TRDN: variants seen among roughly 807,000 people sequenced by gnomAD.
The protein encoded by TRDN is triadin.
A neutral mutation model predicts 149.7 loss-of-function variants in TRDN; 161 were observed. The ratio of observed to expected loss-of-function variants is 1.08; its 90% confidence interval spans 0.95 to 1.23. The LOEUF is 1.23. Among genes scored for constraint, TRDN ranks in the 50% most tolerant of loss-of-function variants. The pLI is 0.00. For synonymous variants in TRDN, 294 were observed against 250.5 expected, an observed-to-expected ratio of 1.17 and a Z score of -1.64; for missense variants, 896 against 823.5, an observed-to-expected ratio of 1.09 and a Z score of -1.08.
Position 123,503,455 on chromosome 6 carries a change from T to A in TRDN, c.793+264A>T, listed in dbSNP as rs1236192881. ...AAATTCAACATTTATCCCCAATCTTTATATGATTTCGGATGCTACCTCCAA... is the reference window on the plus strand; with the variant it reads ...AAATTCAACATTTATCCCCAATCTTAATATGATTTCGGATGCTACCTCCAA... On this transcript the variant is annotated intron_variant, in intron 8 of 40. Coordinates refer to ENST00000334268, the MANE Select transcript of TRDN (RefSeq NM_006073.4). 3 of 985,136 alleles carry A rather than the reference T, an allele frequency of 3.0e-6. No homozygotes were observed. In the East Asian group the frequency reaches 3.4e-4, roughly 112 times the overall value. The allele number at this position is 985,136 out of a possible 1,614,324, so 61.0% of individuals were successfully genotyped here.
chr6:123,473,605 T>TA (rs1315569302), intron 9 of TRDN, among the ~76,000 whole-genome samples: 13 of 151,624 alleles, frequency 8.6e-5, no homozygotes, highest in African/African-American at 3.2e-4. Flanking sequence ...GCCACAAAGA[T>TA]ACTCCTCGAG....
chr6:123,563,158 A>G (rs909635120), intron 2 of TRDN, among the ~76,000 whole-genome samples: 24 of 152,238 alleles, frequency 1.6e-4, no homozygotes, highest in African/African-American at 5.1e-4. Context: ...CTGATACTCA[A>G]CTATTACTTC....
rs1776410021 is a variant in TRDN, at chr6:123,252,518, CTAAT to C, written c.1952-87_1952-84del. ...AAATCAGTGGACTTTATAAAAATAT[CTAAT>C]TATTTTGTTTCTTGCTTATTATTTA... On this transcript the variant is annotated intron_variant, in intron 37 of 40. Coordinates refer to ENST00000334268, the MANE Select transcript of TRDN (RefSeq NM_006073.4). 7 of 710,858 alleles carry C rather than the reference CTAAT, an allele frequency of 9.8e-6. No individual in the cohort carries two copies. The East Asian group carries it at 1.7e-4, about 18-fold the overall frequency. 44.0% of individuals were successfully genotyped at this position (710,858 alleles called of 1,614,324 possible).
At chr6:123,331,583 T>C (rs1447035890) in intron 23 of TRDN, among the ~76,000 whole-genome samples, 2 of 152,056 alleles carry the variant, frequency 1.3e-5, no homozygotes, top group Admixed American at 1.3e-4. Flanking sequence ...ATTCGCTCTT[T>C]GGATATTTAT....
chr6:123,351,823 C>G, intron 21 of TRDN: 1 of 948,556 alleles, frequency 1.1e-6, no homozygotes, highest in Non-Finnish European at 1.3e-6. Context: ...TATATAAGAG[C>G]AATGACATGA....
intron 4 of TRDN, among the ~76,000 whole-genome samples, chr6:123,542,908 C>T (rs1780923664): frequency 6.6e-6 from 1 of 150,446 alleles, no homozygotes; most frequent in African/African-American, 2.4e-5. Flanking sequence ...GTCACTGCGT[C>T]TGGCCCTGGT....
rs1333616035 is a variant in TRDN, at chr6:123,224,130, T to G, written c.1977A>C (p.Lys659Asn). Reference sequence around the variant, plus strand: ...TTGAAGCTGGTACATCTTCAACATCTTCTAGAGTACAGAAAAAAGGCACAT... The same window carrying G: ...TTGAAGCTGGTACATCTTCAACATCGTCTAGAGTACAGAAAAAAGGCACAT... ...TKAEKPARVS[K>N]DVEDVPASKK... The change falls in exon 39 of 41, where the codon AAA (lysine) becomes AAC (asparagine). Residue 659 changes from lysine (K) to asparagine (N), a missense_variant and splice_region_variant. By Grantham distance (94) the Lys-to-Asn change is moderately conservative. Coordinates refer to ENST00000334268, the MANE Select transcript of TRDN (RefSeq NM_006073.4). 3.1e-6 allele frequency: 5 copies of G among 1,610,392 alleles called. No homozygotes were observed. The highest frequency in any genetic ancestry group is 4.2e-6 in the Non-Finnish European group (5 of 1,177,764).
chr6:123,502,859 C>G, intron 8 of TRDN: 1 of 985,218 alleles, frequency 1.0e-6, no homozygotes, highest in Non-Finnish European at 1.2e-6. Context: ...TCCCCGTATT[C>G]TGTAAAGGAG....
intron 22 of TRDN, 122 bp downstream of exon 22, chr6:123,337,496 TG>T: frequency 3.0e-6 from 1 of 331,416 alleles, no homozygotes. Flanking sequence ...TTTAAAAATA[TG>T]TGTGTGACCT....
At chr6:123,554,557 T>C (rs1463966986) in intron 2 of TRDN, among the ~76,000 whole-genome samples, 1 of 152,172 alleles carries the variant, frequency 6.6e-6, no homozygotes, top group Non-Finnish European at 1.5e-5. Flanking sequence ...GCAAATTATG[T>C]GTCATTTAAT....
intron 12 of TRDN, among the ~76,000 whole-genome samples, chr6:123,418,895 C>T (rs1416248270): frequency 1.3e-5 from 2 of 151,968 alleles, no homozygotes; most frequent in Non-Finnish European, 2.9e-5. Flanking sequence ...AAGAGAATCA[C>T]CCAAGGATCA....
chr6:123,374,919 T>G (rs1482351586), intron 19 of TRDN, among the ~76,000 whole-genome samples: 1 of 152,194 alleles, frequency 6.6e-6, no homozygotes, highest in Non-Finnish European at 1.5e-5. Context: ...ATGTCACGCA[T>G]AGAACTGAGG....
At chr6:123,529,157 T>C (rs942947575) in intron 5 of TRDN, 7 of 1,539,736 alleles carry the variant, frequency 4.5e-6, no homozygotes, top group Middle Eastern at 3.4e-4. Context: ...TAGCACAGTC[T>C]GCAAGAAAAA....
At chr6:123,386,830 C>T (rs781544788) in intron 14 of TRDN, among the ~76,000 whole-genome samples, 4 of 152,100 alleles carry the variant, frequency 2.6e-5, no homozygotes, top group South Asian at 2.1e-4. Context: ...GGGGCAACAA[C>T]CTTGGAGAGC....
intron 21 of TRDN, among the ~76,000 whole-genome samples, chr6:123,347,063 A>T (rs1204562477): frequency 6.6e-6 from 1 of 152,066 alleles, no homozygotes; most frequent in African/African-American, 2.4e-5. Flanking sequence ...TGGGGTAGAA[A>T]CAGTGAACCT....
intron 4 of TRDN, among the ~76,000 whole-genome samples, chr6:123,535,716 G>A (rs1384443890): frequency 2.0e-5 from 3 of 151,950 alleles, no homozygotes; most frequent in Non-Finnish European, 2.9e-5. Flanking sequence ...AATTTATTAT[G>A]GTGTTGAGAA....
chr6:123,353,439 C>T (rs145930045), intron 20 of TRDN, among the ~76,000 whole-genome samples: 2 of 151,834 alleles, frequency 1.3e-5, no homozygotes, highest in East Asian at 3.9e-4. Flanking sequence ...GATGAGATGC[C>T]GTGTAGCATA....
Position 123,382,117 on chromosome 6 carries a change from C to G in TRDN, c.1165+1G>C. On this transcript the variant is annotated splice_donor_variant, in intron 15 of 40. Coordinates refer to ENST00000334268, the MANE Select transcript of TRDN (RefSeq NM_006073.4). LOFTEE classifies it high-confidence loss of function. ...CAGAAAAAAAGAAATATGTCCAGTA[C>G]CTTCTGCAGGTTTTTTTGTTTTCTT... The G allele has an allele frequency of 6.7e-7, 1 of 1,493,190 alleles. No homozygotes were observed. The highest frequency in any genetic ancestry group is 8.9e-7 in the Non-Finnish European group (1 of 1,120,682). 92.5% of individuals were successfully genotyped at this position (1,493,190 alleles called of 1,614,324 possible).
At chr6:123,478,985 A>G (rs1642455474) in intron 9 of TRDN, among the ~76,000 whole-genome samples, 1 of 152,184 alleles carries the variant, frequency 6.6e-6, no homozygotes, top group African/African-American at 2.4e-5. Flanking sequence ...AAGCCAAAAT[A>G]TGGACCATAT....
Sources: allele counts gnomAD v4.1 joint callset (sites outside exome capture counted in the v4.1 genomes callset), GRCh38; gene constraint gnomAD v4.1.1; transcripts MANE v1.5; gene names NCBI Gene and HGNC (gene_info 2026-07-23, HGNC 2026-07-21).